Variants in NEGR1 observed in about 807,000 individuals in gnomAD.
NEGR1 encodes neuronal growth regulator 1, also known as IgLON family member 4.
Under a neutral mutation model 40.9 loss-of-function variants are expected in NEGR1, and 10 were observed. That is an observed-to-expected ratio of 0.24 (90% CI 0.15 to 0.42). The LOEUF (loss-of-function observed/expected upper bound fraction) is 0.42, where lower values mean the gene tolerates loss of function less well. Among genes scored for constraint, NEGR1 ranks in the 10% least tolerant of loss-of-function variants. NEGR1 has a pLI of 1.00. For missense variants in NEGR1, 352 were observed against 438.9 expected (o/e 0.80, Z 1.77); for synonymous variants, 185 against 166.8 (o/e 1.11, Z -0.84).
At chr1:72,134,202 GTT>G (rs908710344) in intron 1 of NEGR1, among the ~76,000 whole-genome samples, 1 of 143,304 alleles carries the variant, frequency 7.0e-6, no homozygotes, top group African/African-American at 2.6e-5. Flanking sequence ...GGGGAAATAC[GTT>G]TTTTTTTTCT....
chr1:72,142,637 C>A (rs1343156923), intron 1 of NEGR1, among the ~76,000 whole-genome samples: 1 of 151,746 alleles, frequency 6.6e-6, no homozygotes, highest in Non-Finnish European at 1.5e-5. Flanking sequence ...CTCATTTAAG[C>A]AAAATAACCA....
At chr1:71,467,650 T>C (rs1253325626) in intron 6 of NEGR1, among the ~76,000 whole-genome samples, 1 of 152,080 alleles carries the variant, frequency 6.6e-6, no homozygotes, top group Non-Finnish European at 1.5e-5. Context: ...ATTAGCTGAA[T>C]CATTAATTTC....
intron 1 of NEGR1, among the ~76,000 whole-genome samples, chr1:71,950,329 A>G (rs1037228233): frequency 6.6e-6 from 1 of 152,052 alleles, no homozygotes; most frequent in African/African-American, 2.4e-5. Flanking sequence ...ATAACACATA[A>G]GTAACATTAT....
At chr1:72,073,801 C>T (rs192656889) in intron 1 of NEGR1, among the ~76,000 whole-genome samples, 125 of 147,822 alleles carry the variant, frequency 8.5e-4, no homozygotes, top group African/African-American at 3.1e-3. Context: ...CATTTTTTTT[C>T]CAAAAAAAAA....
At chr1:71,737,346 C>A (rs1389901828) in intron 3 of NEGR1, among the ~76,000 whole-genome samples, 1 of 138,410 alleles carries the variant, frequency 7.2e-6, no homozygotes, top group South Asian at 2.3e-4. Context: ...AGAAAACAGC[C>A]TTTTTTTTTT....
In NEGR1 at chr1:71,730,569, T is replaced by TTG. The variant is rs370694117; in HGVS notation, c.536-32431_536-32430insCA. On this transcript the variant is annotated intron_variant, in intron 3 of 6. Coordinates refer to ENST00000357731, the MANE Select transcript of NEGR1 (RefSeq NM_173808.3). Reference sequence around the variant, plus strand: ...TTATATGTGTATATATAGTATAAATTTATATATATATATATATATATATAA... The same window carrying TTG: ...TTATATGTGTATATATAGTATAAATTTGTATATATATATATATATATATATAA... Among the ~76,000 whole-genome samples, 2 of 134,726 alleles carry TTG rather than the reference T, an allele frequency of 1.5e-5. 1 individual carries two copies. The highest frequency in any genetic ancestry group is 5.5e-5 in the African/African-American group (2 of 36,064). The allele number at this position is 134,726 out of a possible 152,430, so 88.4% of individuals were successfully genotyped here.
At chr1:71,679,187 T>A (rs1033988026) in intron 4 of NEGR1, among the ~76,000 whole-genome samples, 11 of 152,180 alleles carry the variant, frequency 7.2e-5, no homozygotes, top group African/African-American at 2.7e-4. Flanking sequence ...ATCCTGTCTA[T>A]CCATGCTTCT....
chr1:71,755,584 A>G (rs1248835762), intron 3 of NEGR1, among the ~76,000 whole-genome samples: 1 of 152,134 alleles, frequency 6.6e-6, no homozygotes, highest in Non-Finnish European at 1.5e-5. Flanking sequence ...AGTTTGTCCC[A>G]TGCCCACTGA....
Position 71,853,959 on chromosome 1 carries a change from G to A in NEGR1, c.410-77662C>T, listed in dbSNP as rs567358989. The stretch of plus-strand genomic sequence containing the variant: ...TATTAGGCTTGAGTTGAAACTGGTC[G>A]TTTTAAACCCTCAGCACAAAGAGCA... On this transcript the variant is annotated intron_variant, in intron 2 of 6. Transcript: ENST00000357731. Among the ~76,000 whole-genome samples, 6 of 152,168 alleles carry A rather than the reference G, an allele frequency of 3.9e-5. No homozygotes were observed. The East Asian group carries it at 7.7e-4, about 20-fold the overall frequency.
chr1:71,499,530 T>C (rs570325727), intron 6 of NEGR1, among the ~76,000 whole-genome samples: 3 of 148,602 alleles, frequency 2.0e-5, no homozygotes, highest in Non-Finnish European at 3.0e-5. Flanking sequence ...TATATATATA[T>C]TAGTGTTTAC....
At chr1:72,008,844 A>G (rs550169370) in intron 1 of NEGR1, among the ~76,000 whole-genome samples, 10 of 152,194 alleles carry the variant, frequency 6.6e-5, no homozygotes, top group Admixed American at 2.6e-4. Context: ...TGTTAATTGC[A>G]TACTCCTAGA....
intron 1 of NEGR1, among the ~76,000 whole-genome samples, chr1:72,030,031 G>GAAAA: frequency 6.6e-6 from 1 of 150,482 alleles, no homozygotes; most frequent in Non-Finnish European, 1.5e-5. Flanking sequence ...AGTGAAATAT[G>GAAAA]AAAAAAAAAA....
chr1:72,041,621 C>T (rs560479459), intron 1 of NEGR1, among the ~76,000 whole-genome samples: 1 of 150,270 alleles, frequency 6.7e-6, no homozygotes, highest in South Asian at 2.1e-4. Flanking sequence ...TTTTGTGACC[C>T]TCCGTACCTC....
At chr1:71,575,300 A>G (rs940085601) in intron 6 of NEGR1, among the ~76,000 whole-genome samples, 4 of 152,234 alleles carry the variant, frequency 2.6e-5, no homozygotes, top group African/African-American at 9.6e-5. Flanking sequence ...TTGACATCAA[A>G]GAAGACTAAC....
At position 71,737,741 on chromosome 1, in the gene NEGR1, C is replaced by A. The variant is rs146135243; in HGVS notation, c.535+38431G>T. Reference sequence around the variant, plus strand: ...AAATATTTTTCAGTCTTTGTTCTTACAGGCAAAGACAAAAAAGATAGCTAA... The same window carrying A: ...AAATATTTTTCAGTCTTTGTTCTTAAAGGCAAAGACAAAAAAGATAGCTAA... On this transcript the variant is annotated intron_variant, in intron 3 of 6. Transcript: ENST00000357731. 2.3e-3 allele frequency among the ~76,000 whole-genome samples: 351 copies of A among 152,232 alleles called. 3 individuals are homozygous for A. Among genetic ancestry groups the A allele is most frequent in the South Asian group, 6.2e-3 (30 of 4,822 alleles).
chr1:71,869,132 C>T lies in NEGR1; in HGVS notation c.409+65947G>A, dbSNP rs551803630. ...CTGTGAAGGCAGAATCCTTTCATGA[C>T]TTATTCATAGATTAATATTTAATAC... On this transcript the variant is annotated intron_variant, in intron 2 of 6. Transcript: ENST00000357731. 2.0e-5 allele frequency among the ~76,000 whole-genome samples: 3 copies of T among 152,260 alleles called. No homozygotes were observed. The South Asian group carries it at 6.2e-4, about 32-fold the overall frequency.
rs1646227023 is a variant in NEGR1 at position 71,398,631 on chromosome 1, A to G, written c.*8815T>C. 6.6e-6 allele frequency: 1 copy of G among 152,164 alleles called. No individual in the cohort carries two copies. The allele number at this position is 152,164 out of a possible 1,614,324, so 9.4% of individuals were successfully genotyped here. A position where few individuals can be genotyped will look rare whatever the true frequency, so the allele number is the denominator to read the frequency against. ...TGCCTTGTCTCAGATGAGACTTTAG[A>G]CTGTGGACTTTTGAGATAGTGCTGA... On this transcript the variant is annotated 3_prime_UTR_variant, in exon 7 of 7. Transcript: ENST00000357731.
chr1:71,902,124 C>A (rs1004165180), intron 2 of NEGR1, among the ~76,000 whole-genome samples: 1 of 152,090 alleles, frequency 6.6e-6, no homozygotes, highest in Non-Finnish European at 1.5e-5. Context: ...AGGTCTTATT[C>A]CTATTTCACA....
chr1:71,953,647 A>C (rs1019156757), intron 1 of NEGR1, among the ~76,000 whole-genome samples: 6 of 151,988 alleles, frequency 3.9e-5, no homozygotes, highest in African/African-American at 1.4e-4. Context: ...AGAAAGAGTC[A>C]ATCAATGTAG....
Sources: allele counts gnomAD v4.1 joint callset (sites outside exome capture counted in the v4.1 genomes callset), GRCh38; gene constraint gnomAD v4.1.1; transcripts MANE v1.5; gene names NCBI Gene and HGNC (gene_info 2026-07-23, HGNC 2026-07-21).